Variants in STIMATE observed in about 807,000 individuals in gnomAD.
STIMATE encodes the protein store-operated calcium entry regulator STIMATE.
Under a neutral mutation model 36.7 loss-of-function variants are expected in STIMATE, and 15 were observed. The observed-to-expected ratio is 0.41, with a 90% CI of 0.27 to 0.63. STIMATE has a LOEUF of 0.63. STIMATE is among the 20% of genes least tolerant of loss of function. The pLI is 0.32. For missense variants in STIMATE, 305 were observed against 397.3 expected, an observed-to-expected ratio of 0.77 and a Z score of 1.98; for synonymous variants, 163 against 162.3, an observed-to-expected ratio of 1.00 and a Z score of -0.03.
chr3:52,837,320 G>C lies in STIMATE; in HGVS notation c.*3174C>G, dbSNP rs759504918. 1 of 152,324 alleles carries C rather than the reference G, an allele frequency of 6.6e-6. No individual in the cohort carries two copies. The highest frequency in any genetic ancestry group is 2.4e-5 in the African/African-American group (1 of 41,478). The allele number at this position is 152,324 out of a possible 1,614,324, so 9.4% of individuals were successfully genotyped here. A position where few individuals can be genotyped will look rare whatever the true frequency, so the allele number is the denominator to read the frequency against. ...CCCTACAGGCTTACACTGTCTAAGG[G>C]AAGTCACAGCTTGGATTTGAGCCTT... On this transcript the variant is annotated 3_prime_UTR_variant, in exon 8 of 8. Coordinates refer to ENST00000355083, the MANE Select transcript of STIMATE (RefSeq NM_198563.5).
chr3:52,855,912 CGGTGTG>C, intron 1 of STIMATE, among the ~76,000 whole-genome samples: 1 of 152,300 alleles, frequency 6.6e-6, no homozygotes, highest in East Asian at 1.9e-4. Flanking sequence ...ATATCACATA[CGGTGTG>C]ACACGTGCTA....
chr3:52,843,407 G>T (rs1284821766), intron 6 of STIMATE, among the ~76,000 whole-genome samples: 1 of 152,068 alleles, frequency 6.6e-6, no homozygotes, highest in African/African-American at 2.4e-5. Context: ...ATGAACGATG[G>T]GTACGTTTGG....
chr3:52,886,738 CT>C (rs1701691674), intron 1 of STIMATE, among the ~76,000 whole-genome samples: 1 of 152,206 alleles, frequency 6.6e-6, no homozygotes, highest in South Asian at 2.1e-4. Flanking sequence ...AAAATTGTAA[CT>C]TCACAGTGAG....
At chr3:52,857,596 G>A (rs965651123) in intron 1 of STIMATE, among the ~76,000 whole-genome samples, 13 of 152,104 alleles carry the variant, frequency 8.5e-5, no homozygotes, top group African/African-American at 1.4e-4. Flanking sequence ...GTTCCTAGGC[G>A]ATGCATGCTG....
chr3:52,843,404 A>G (rs536924554), intron 6 of STIMATE, among the ~76,000 whole-genome samples: 1 of 151,990 alleles, frequency 6.6e-6, no homozygotes, highest in African/African-American at 2.4e-5. Flanking sequence ...GGAATGAACG[A>G]TGGGTACGTT....
At chr3:52,843,195 T>C in intron 6 of STIMATE, 1 of 769,298 alleles carries the variant, frequency 1.3e-6, no homozygotes. Context: ...GACGGGTTTT[T>C]GTTGTGGTAA....
At chr3:52,850,795 A>G (rs1700984796) in intron 3 of STIMATE, among the ~76,000 whole-genome samples, 1 of 152,080 alleles carries the variant, frequency 6.6e-6, no homozygotes, top group African/African-American at 2.4e-5. Flanking sequence ...CAGCGGTGCA[A>G]TCAGCTCACT....
intron 1 of STIMATE, among the ~76,000 whole-genome samples, chr3:52,880,641 G>A (rs565405411): frequency 6.6e-6 from 1 of 152,186 alleles, no homozygotes; most frequent in South Asian, 2.1e-4. Flanking sequence ...CTTTGAAAGG[G>A]CTCATAGGAA....
rs923796572 is a variant in STIMATE, at chr3:52,885,771, G to A, written c.160+11520C>T. On this transcript the variant is annotated intron_variant, in intron 1 of 7. Coordinates refer to ENST00000355083, the MANE Select transcript of STIMATE (RefSeq NM_198563.5). ...CAATGCAGCGAGACTGCTGGGCTTC[G>A]CTTGGGTTCCTCCTTGCTGCTCTGA... is the stretch of plus-strand genomic sequence containing the variant. Among the ~76,000 whole-genome samples, 4 of 152,174 alleles carry A rather than the reference G, an allele frequency of 2.6e-5. No homozygotes were observed. In the East Asian group the frequency reaches 5.8e-4, roughly 22 times the overall value.
At chr3:52,876,362 A>C (rs1272966815) in intron 1 of STIMATE, among the ~76,000 whole-genome samples, 1 of 152,210 alleles carries the variant, frequency 6.6e-6, no homozygotes, top group African/African-American at 2.4e-5. Flanking sequence ...CAAAACGCAA[A>C]GCTTATCAAA....
At chr3:52,885,030 A>G (rs1327326408) in intron 1 of STIMATE, among the ~76,000 whole-genome samples, 2 of 152,220 alleles carry the variant, frequency 1.3e-5, no homozygotes, top group African/African-American at 4.8e-5. Flanking sequence ...CATTTTTACC[A>G]GCAATGCATA....
At chr3:52,878,651 C>A (rs1701549334) in intron 1 of STIMATE, among the ~76,000 whole-genome samples, 2 of 152,184 alleles carry the variant, frequency 1.3e-5, no homozygotes, top group South Asian at 4.1e-4. Flanking sequence ...GTGAGCCTAC[C>A]TAAATGCATT....
At position 52,843,739 on chromosome 3, in the gene STIMATE, G is replaced by A. The variant is rs753682904; in HGVS notation, c.600C>T (p.Ile200=). The part of the protein sequence containing the change: ...PDLKLAIVML[I]VPFFVNALMF... ...CACTGACGTTGACAAAGAAGGGGACGATCAGCATGACGATGGCCAGCTTCA... is the reference window on the plus strand; with the variant it reads ...CACTGACGTTGACAAAGAAGGGGACAATCAGCATGACGATGGCCAGCTTCA... The change falls in exon 6 of 8, where the codon ATC becomes ATT. Residue 200 remains isoleucine (I), a synonymous_variant. Transcript: ENST00000355083. 18 of 1,613,862 alleles carry A rather than the reference G, an allele frequency of 1.1e-5. No homozygotes were observed. In the African/African-American group the frequency reaches 1.7e-4, roughly 16 times the overall value.
chr3:52,897,486 C>T lies in STIMATE; in HGVS notation c.-36G>A. 8.2e-7 allele frequency: 1 copy of T among 1,214,262 alleles called. No individual in the cohort carries two copies. The highest frequency in any genetic ancestry group is 3.9e-5 in the South Asian group (1 of 25,390). 75.2% of individuals were successfully genotyped at this position (1,214,262 alleles called of 1,614,324 possible). ...GCGGGAGGGGCGCGAGGGCCCAGGG[C>T]CCGCCCGGCCTCGCTGCCTGCCGGC... On this transcript the variant is annotated 5_prime_UTR_variant, in exon 1 of 8. Transcript: ENST00000355083.
intron 1 of STIMATE, among the ~76,000 whole-genome samples, chr3:52,866,943 T>C (rs1701323407): frequency 6.6e-6 from 1 of 152,098 alleles, no homozygotes; most frequent in Non-Finnish European, 1.5e-5. Flanking sequence ...GATGCAGGGA[T>C]AGGGGGAATG....
Position 52,866,993 on chromosome 3 carries a change from G to A in STIMATE, c.161-11549C>T, listed in dbSNP as rs376770356. On this transcript the variant is annotated intron_variant, in intron 1 of 7. Coordinates refer to ENST00000355083, the MANE Select transcript of STIMATE (RefSeq NM_198563.5). ...CAGGTGCAGGGAAAGGCGTGTGGCT[G>A]CATAAAGACAGGGAAGCCGGGGTCT... is the stretch of plus-strand genomic sequence containing the variant. Among the ~76,000 whole-genome samples, 24 of 152,350 alleles carry A rather than the reference G, an allele frequency of 1.6e-4. No homozygotes were observed. In the East Asian group the frequency reaches 2.7e-3, roughly 17 times the overall value.
intron 1 of STIMATE, among the ~76,000 whole-genome samples, chr3:52,884,895 A>G (rs531499531): frequency 6.6e-6 from 1 of 152,238 alleles, no homozygotes; most frequent in African/African-American, 2.4e-5. Context: ...ACGTCCTTCT[A>G]TGGCCATGTG....
intron 1 of STIMATE, among the ~76,000 whole-genome samples, chr3:52,867,619 A>C (rs1286195792): frequency 6.6e-6 from 1 of 152,198 alleles, no homozygotes; most frequent in African/African-American, 2.4e-5. Flanking sequence ...CTCATTTCTC[A>C]AGCTGTCTCA....
intron 1 of STIMATE, among the ~76,000 whole-genome samples, chr3:52,878,475 G>A (rs1283627304): frequency 6.6e-6 from 1 of 151,540 alleles, no homozygotes; most frequent in Non-Finnish European, 1.5e-5. Flanking sequence ...CCTGGTCTAG[G>A]AACCCTGTGG....
Sources: gnomAD v4.1 joint callset for allele counts (sites outside exome capture counted in the v4.1 genomes callset) on GRCh38, gnomAD v4.1.1 for gene constraint, MANE v1.5 for transcripts, NCBI Gene and HGNC (gene_info 2026-07-23, HGNC 2026-07-21) for gene names.